APBA1: variants seen among roughly 807,000 people sequenced by gnomAD.
APBA1 encodes amyloid beta precursor protein binding family A member 1.
Under a neutral mutation model 86.6 loss-of-function variants are expected in APBA1, and 55 were observed. The ratio of observed to expected loss-of-function variants is 0.64; its 90% CI spans 0.51 to 0.80. APBA1 has a LOEUF of 0.80. Ranked by LOEUF, APBA1 falls within the 30% of genes least tolerant of loss-of-function variation. APBA1 has a pLI of 0.00. For missense variants in APBA1, 1,090 were observed against 1,183.0 expected (o/e 0.92, Z 1.15); for synonymous variants, 511 against 493.9 (o/e 1.03, Z -0.46).
At chr9:69,461,447 C>T (rs1835190189) in intron 5 of APBA1, 1 of 152,122 alleles carries the variant, frequency 6.6e-6, no homozygotes, top group Admixed American at 6.6e-5. Flanking sequence ...TTTTCTCTCC[C>T]CACTGACATT....
At chr9:69,629,984 A>G (rs1366652205) in intron 1 of APBA1, among the ~76,000 whole-genome samples, 1 of 152,156 alleles carries the variant, frequency 6.6e-6, no homozygotes, top group African/African-American at 2.4e-5. Flanking sequence ...ATCACATTCT[A>G]CTAGGGAAAA....
intron 1 of APBA1, among the ~76,000 whole-genome samples, chr9:69,625,566 T>C (rs1423858100): frequency 1.3e-5 from 2 of 152,260 alleles, no homozygotes; most frequent in East Asian, 3.9e-4. Flanking sequence ...CTGATTAATG[T>C]TCAATCTTGA....
intron 1 of APBA1, among the ~76,000 whole-genome samples, chr9:69,577,436 C>T (rs547361980): frequency 7.2e-4 from 110 of 152,186 alleles, no homozygotes; most frequent in African/African-American, 2.2e-3. Flanking sequence ...TTTCCATTGG[C>T]GACCCACTCC....
At chr9:69,558,557 CACACAT>C (rs1054363191) in intron 1 of APBA1, among the ~76,000 whole-genome samples, 8 of 133,832 alleles carry the variant, frequency 6.0e-5, no homozygotes, top group African/African-American at 1.6e-4. Flanking sequence ...CACACACACA[CACACAT>C]ATATATATAT....
At chr9:69,475,248 T>C (rs943981580) in intron 3 of APBA1, among the ~76,000 whole-genome samples, 3 of 152,252 alleles carry the variant, frequency 2.0e-5, no homozygotes, top group Non-Finnish European at 4.4e-5. Flanking sequence ...ACAGAATTTG[T>C]TGTCCAAAAG....
At chr9:69,629,912 G>C (rs1182658701) in intron 1 of APBA1, among the ~76,000 whole-genome samples, 1 of 152,176 alleles carries the variant, frequency 6.6e-6, no homozygotes, top group Non-Finnish European at 1.5e-5. Flanking sequence ...CGGCCACACA[G>C]TGTCCAGGTG....
intron 4 of APBA1, among the ~76,000 whole-genome samples, chr9:69,468,837 C>G (rs1835321903): frequency 6.6e-6 from 1 of 151,788 alleles, no homozygotes; most frequent in Non-Finnish European, 1.5e-5. Flanking sequence ...GCATTTTAAT[C>G]TGCAATTGAA....
chr9:69,516,058 T>A lies in APBA1; in HGVS notation c.1153A>T (p.Ile385Phe). The A allele has an allele frequency of 3.7e-6, 6 of 1,611,512 alleles. No individual in the cohort carries two copies. Among genetic ancestry groups the A allele is most frequent in the Non-Finnish European group, 5.1e-6 (6 of 1,178,468 alleles). Residue 385 changes from isoleucine (I) to phenylalanine (F), a missense_variant, in exon 2 of 13, where the codon ATT becomes TTT. Physicochemically the swap from Ile to Phe is conservative, Grantham distance 21. This residue lies in a region of APBA1 where 678 missense variants were observed against 647.1 expected (regional missense o/e 1.05). Transcript: ENST00000265381. The surrounding 1 kb of genome is among the most constrained non-coding windows in gnomAD (Gnocchi z 7.3). Reference sequence around the variant, plus strand: ...TCGTCACAGTCCCTGGTGGGGCTAATGTCCTGGCGCATGACCCAGATGGGC... The same window carrying A: ...TCGTCACAGTCCCTGGTGGGGCTAAAGTCCTGGCGCATGACCCAGATGGGC... The part of the protein sequence containing the change: ...KEPIWVMRQD[I>F]SPTRDCDDQR...
Position 69,650,206 on chromosome 9 carries a change from TC to T in APBA1, c.-70+21946del, listed in dbSNP as rs1823470689. Among the ~76,000 whole-genome samples the T allele has an allele frequency of 2.0e-5, 3 of 152,348 alleles. No homozygotes were observed. The South Asian group carries it at 6.2e-4, about 32-fold the overall frequency. On this transcript the variant is annotated intron_variant, in intron 1 of 12. Coordinates refer to ENST00000265381, the MANE Select transcript of APBA1 (RefSeq NM_001163.4). Reference sequence around the variant, plus strand: ...GTCACTTAACCTCTCTGCTTCAGTGTCCTCATCTGCAAAATGAGGATAACAA... The same window carrying T: ...GTCACTTAACCTCTCTGCTTCAGTGTCTCATCTGCAAAATGAGGATAACAA...
At chr9:69,522,177 T>TATC (rs2133896387) in intron 1 of APBA1, among the ~76,000 whole-genome samples, 1 of 152,132 alleles carries the variant, frequency 6.6e-6, no homozygotes, top group African/African-American at 2.4e-5. Context: ...TCTTTGTAAG[T>TATC]ATCAAGTCCT....
chr9:69,641,751 C>T (rs1823290342), intron 1 of APBA1, among the ~76,000 whole-genome samples: 1 of 152,194 alleles, frequency 6.6e-6, no homozygotes, highest in African/African-American at 2.4e-5. Flanking sequence ...GGGCCAGAGA[C>T]TTAAATTTAA....
intron 8 of APBA1, among the ~76,000 whole-genome samples, chr9:69,455,519 C>A (rs1187376903): frequency 6.6e-6 from 1 of 152,008 alleles, no homozygotes; most frequent in Non-Finnish European, 1.5e-5. Context: ...CTGTTGTAAA[C>A]AAATTTTCTC....
chr9:69,554,319 G>T (rs552842131), intron 1 of APBA1, among the ~76,000 whole-genome samples: 24 of 152,134 alleles, frequency 1.6e-4, no homozygotes, highest in African/African-American at 5.1e-4. Flanking sequence ...GTAAATTAAG[G>T]TCATGTACTT....
At chr9:69,544,195 C>A (rs1203435046) in intron 1 of APBA1, among the ~76,000 whole-genome samples, 5 of 152,106 alleles carry the variant, frequency 3.3e-5, no homozygotes, top group Non-Finnish European at 7.3e-5. Context: ...TGTAAGGTAC[C>A]ATTAAGGGAT....
intron 11 of APBA1, among the ~76,000 whole-genome samples, chr9:69,435,657 ATTTG>A (rs958018249): frequency 2.6e-4 from 39 of 152,190 alleles, no homozygotes; most frequent in African/African-American, 9.2e-4. Flanking sequence ...TTTCTTGTAA[ATTTG>A]TTTGAGTTCA....
intron 1 of APBA1, among the ~76,000 whole-genome samples, chr9:69,529,743 C>G (rs1836394579): frequency 6.6e-6 from 1 of 152,046 alleles, no homozygotes; most frequent in Admixed American, 6.6e-5. Context: ...TGTTCATCTT[C>G]AGATTAAACA....
intron 2 of APBA1, among the ~76,000 whole-genome samples, chr9:69,512,248 A>G (rs1836061305): frequency 6.6e-6 from 1 of 152,126 alleles, no homozygotes; most frequent in Admixed American, 6.6e-5. Flanking sequence ...AAATGTTTAG[A>G]ACACAGTTAT....
chr9:69,516,616 C>G lies in APBA1; in HGVS notation c.595G>C (p.Glu199Gln). The change falls in exon 2 of 13, where the codon GAG becomes CAG. Residue 199 changes from glutamate to glutamine, a missense_variant. Around this residue, in one of 6 missense-constraint regions of APBA1, gnomAD observed 678 missense variants for 647.1 expected, o/e 1.05. Coordinates refer to ENST00000265381, the MANE Select transcript of APBA1 (RefSeq NM_001163.4). The surrounding 1 kb of genome is among the most constrained non-coding windows in gnomAD (Gnocchi z 7.3). ...DYGGLQEHVY[E>Q]EIGDAPELDA... ...AGCTCGGGCGCGTCCCCTATCTCCT[C>G]GTACACGTGCTCCTGGAGGCCGCCG... The G allele has an allele frequency of 6.2e-7, 1 of 1,606,854 alleles. No individual in the cohort carries two copies. Among genetic ancestry groups the G allele is most frequent in the South Asian group, 1.1e-5 (1 of 90,938 alleles).
intron 1 of APBA1, among the ~76,000 whole-genome samples, chr9:69,589,971 G>A (rs1268487739): frequency 6.6e-6 from 1 of 152,192 alleles, no homozygotes; most frequent in African/African-American, 2.4e-5. Context: ...TGGAAGCACA[G>A]CAGGTGGGGC....
Sources: gnomAD v4.1 joint callset for allele counts (sites outside exome capture counted in the v4.1 genomes callset) on GRCh38, gnomAD v4.1.1 for gene constraint, gnomAD v4.1.1 regional missense constraint, Gnocchi (gnomAD v3.1) non-coding constraint, MANE v1.5 for transcripts, NCBI Gene and HGNC (gene_info 2026-07-23, HGNC 2026-07-21) for gene names.